Variants in COL4A6 observed in about 807,000 individuals in gnomAD.
COL4A6 encodes collagen type IV alpha 6 chain, also known as collagen alpha-6(IV) chain.
In COL4A6, 59 loss-of-function variants were observed where a neutral mutation model predicts 126.7. That is an observed-to-expected ratio of 0.47 (90% CI 0.38 to 0.58). COL4A6 has a LOEUF of 0.58. COL4A6 is among the 20% of genes least tolerant of loss of function. The pLI, the probability that COL4A6 is intolerant of heterozygous loss-of-function variation, is 0.00. For missense variants in COL4A6, 1,285 were observed against 1,337.3 expected (o/e 0.96, Z 0.61); for synonymous variants, 547 against 496.6 (o/e 1.10, Z -1.35).
chrX:108,372,421 ACT>A (rs2040349475), intron 2 of COL4A6, among the ~76,000 whole-genome samples: 1 of 111,503 alleles, frequency 9.0e-6, no homozygotes, highest in African/African-American at 3.3e-5. Flanking sequence ...CTCTGTGAAA[ACT>A]CTACATTCAC....
At chrX:108,283,304 C>G (rs1383994997) in intron 3 of COL4A6, among the ~76,000 whole-genome samples, 8 of 111,606 alleles carry the variant, frequency 7.2e-5, no homozygotes, top group Non-Finnish European at 7.5e-5. Context: ...TCCTTTCCAA[C>G]TCTAACATTT....
intron 3 of COL4A6, among the ~76,000 whole-genome samples, chrX:108,259,047 A>G (rs1031229824): frequency 1.8e-5 from 2 of 111,570 alleles, no homozygotes; most frequent in African/African-American, 6.5e-5. Flanking sequence ...ATAGACCGTA[A>G]GTAAGAGGAG....
intron 3 of COL4A6, among the ~76,000 whole-genome samples, chrX:108,244,020 T>G (rs1243779119): frequency 1.8e-5 from 2 of 112,114 alleles, no homozygotes; most frequent in Non-Finnish European, 3.8e-5. Flanking sequence ...ATGTTATTAT[T>G]TGTATTTTCT....
At chrX:108,390,510 C>T (rs1297569488) in intron 2 of COL4A6, among the ~76,000 whole-genome samples, 1 of 108,028 alleles carries the variant, frequency 9.3e-6, no homozygotes, top group Non-Finnish European at 1.9e-5. Flanking sequence ...CTTTCTTCTG[C>T]TTGATCATTC....
At chrX:108,166,437 G>A (rs1193136205) in intron 37 of COL4A6, among the ~76,000 whole-genome samples, 2 of 112,441 alleles carry the variant, frequency 1.8e-5, no homozygotes, top group Non-Finnish European at 3.8e-5. Context: ...TTGATAAACT[G>A]TTCTGGTGGT....
rs546080432 is a variant in COL4A6 at position 108,431,328 on chromosome X, CA to C, written c.63+6613del. 8.9e-5 allele frequency among the ~76,000 whole-genome samples: 10 copies of C among 111,905 alleles called. No individual in the cohort carries two copies. In the South Asian group the frequency reaches 3.8e-3, roughly 42 times the overall value. ...GACACAATCCTGAATGCTATAATCCCAAATGTTGAAATCCCAAAGATCAAAA... is the reference window on the plus strand; with the variant it reads ...GACACAATCCTGAATGCTATAATCCCAATGTTGAAATCCCAAAGATCAAAA... On this transcript the variant is annotated intron_variant, in intron 2 of 44. Transcript: ENST00000334504.
At position 108,281,883 on chromosome X, in the gene COL4A6, G is replaced by C. The variant is rs1195961390; in HGVS notation, c.144+28865C>G. Among the ~76,000 whole-genome samples, 199 of 110,799 alleles carry C rather than the reference G, an allele frequency of 1.8e-3. 3 individuals carry two copies. Among genetic ancestry groups the C allele is most frequent in the Non-Finnish European group, 2.0e-3 (107 of 52,807 alleles). ...TGATCTTTAACAAACCTGAGAAAAA[G>C]AAGCAATGGGGAAAGGATTCCCTAT... On this transcript the variant is annotated intron_variant, in intron 3 of 44. Transcript: ENST00000334504.
At chrX:108,360,094 T>C (rs1045216051) in intron 2 of COL4A6, among the ~76,000 whole-genome samples, 1 of 112,032 alleles carries the variant, frequency 8.9e-6, no homozygotes, top group Non-Finnish European at 1.9e-5. Context: ...CTTACCCAAC[T>C]GCTAAATAAT....
At chrX:108,363,976 A>G (rs942829036) in intron 2 of COL4A6, among the ~76,000 whole-genome samples, 1 of 110,272 alleles carries the variant, frequency 9.1e-6, no homozygotes, top group Non-Finnish European at 1.9e-5. Context: ...GGTTCAAACG[A>G]TTCTCACACC....
At chrX:108,342,782 C>T (rs1014926706) in intron 2 of COL4A6, among the ~76,000 whole-genome samples, 2 of 110,695 alleles carry the variant, frequency 1.8e-5, no homozygotes, top group African/African-American at 3.3e-5. Flanking sequence ...AAACTTTGAC[C>T]CTACATGCCC....
intron 3 of COL4A6, among the ~76,000 whole-genome samples, chrX:108,277,222 T>C (rs1325654032): frequency 9.0e-6 from 1 of 110,970 alleles, no homozygotes; most frequent in African/African-American, 3.3e-5. Context: ...GGTCAGGGAG[T>C]TCCCTTTCCT....
At chrX:108,370,486 G>A (rs773197027) in intron 2 of COL4A6, among the ~76,000 whole-genome samples, 1 of 111,671 alleles carries the variant, frequency 9.0e-6, no homozygotes, top group East Asian at 2.8e-4. Flanking sequence ...TCATTCAGTC[G>A]TAGGGATTTG....
intron 23 of COL4A6, among the ~76,000 whole-genome samples, chrX:108,181,613 C>A (rs1056691126): frequency 2.7e-5 from 3 of 111,953 alleles, no homozygotes; most frequent in African/African-American, 9.7e-5. Context: ...TCCCTCAGCT[C>A]CTTATTTGAA....
At chrX:108,388,711 C>A (rs1413218171) in intron 2 of COL4A6, among the ~76,000 whole-genome samples, 1 of 111,089 alleles carries the variant, frequency 9.0e-6, no homozygotes, top group Non-Finnish European at 1.9e-5. Flanking sequence ...GTGTCTCTAT[C>A]TCCTTCAGTT....
intron 2 of COL4A6, among the ~76,000 whole-genome samples, chrX:108,356,925 C>T (rs760462470): frequency 1.8e-5 from 2 of 110,403 alleles, no homozygotes; most frequent in East Asian, 5.7e-4. Context: ...GCTAAAAATG[C>T]CGGCAGACAT....
chrX:108,263,747 T>A (rs2037226667), intron 3 of COL4A6, among the ~76,000 whole-genome samples: 1 of 111,886 alleles, frequency 8.9e-6, no homozygotes, highest in African/African-American at 3.2e-5. Context: ...TTTAATTTAA[T>A]TAGTTTGGGG....
At chrX:108,266,275 T>C (rs1257784521) in intron 3 of COL4A6, among the ~76,000 whole-genome samples, 1 of 111,067 alleles carries the variant, frequency 9.0e-6, no homozygotes. Flanking sequence ...GAAAATCACT[T>C]GGTGGGATGG....
intron 2 of COL4A6, among the ~76,000 whole-genome samples, chrX:108,412,276 CT>C (rs2041347291): frequency 8.9e-6 from 1 of 112,011 alleles, no homozygotes; most frequent in African/African-American, 3.2e-5. Flanking sequence ...AATTACATTA[CT>C]TAGAGAATAT....
rs759348810 is a variant in COL4A6 at position 108,165,399 on chromosome X, G to A, written c.3779C>T (p.Pro1260Leu). The part of the protein sequence containing the change: ...PSLIAGQPGD[P>L]GRPGLDGERG... Reference sequence around the variant, plus strand: ...TTCTCCATCTAGGCCTGGTCGCCCGGGGTCACCAGGCTGTCCTGCTATGAG... The same window carrying A: ...TTCTCCATCTAGGCCTGGTCGCCCGAGGTCACCAGGCTGTCCTGCTATGAG... Residue 1260 changes from proline (P) to leucine (L), a missense_variant, in exon 38 of 45, where the codon CCC (proline) becomes CTC (leucine). Pro to Leu is a moderately conservative substitution (Grantham distance 98). Transcript: ENST00000334504. 5 of 1,208,032 alleles carry A rather than the reference G, an allele frequency of 4.1e-6. No individual in the cohort carries two copies. In the East Asian group the frequency reaches 1.2e-4, roughly 29 times the overall value.
Sources: gnomAD v4.1 joint callset for allele counts (sites outside exome capture counted in the v4.1 genomes callset) on GRCh38, gnomAD v4.1.1 for gene constraint, MANE v1.5 for transcripts, NCBI Gene and HGNC (gene_info 2026-07-23, HGNC 2026-07-21) for gene names.